The following TMEM223 variants were observed in gnomAD, a reference collection of about 807,000 sequenced individuals.
TMEM223 encodes transmembrane protein 223.
Under a neutral mutation model 14.1 loss-of-function variants are expected in TMEM223, and 14 were observed. The ratio of observed to expected loss-of-function variants is 0.99; its 90% CI spans 0.66 to 1.55. The LOEUF is 1.55. TMEM223 is among the 40% of genes most tolerant of loss of function. The probability of loss-of-function intolerance (pLI) is 0.00; values close to 1 mark genes in which losing one functional copy is unlikely to be tolerated. For synonymous variants in TMEM223, 145 were observed against 120.5 expected (o/e 1.20, Z -1.33); for missense variants, 346 against 269.9 (o/e 1.28, Z -1.97).
downstream of TMEM223, chr11:62,787,371 G>C: frequency 2.6e-6 from 4 of 1,542,814 alleles, no homozygotes; most frequent in South Asian, 4.7e-5. Flanking sequence ...GGGTCGCGCC[G>C]GATAAGGTGG....
At chr11:62,779,976 A>ATATATATATATATATATTTTTTTTTT (rs1294367864) in intron 1 of TMEM223, among the ~76,000 whole-genome samples, 4 of 52,626 alleles carry the variant, frequency 7.6e-5, no homozygotes, top group Non-Finnish European at 1.1e-4. Context: ...ATATATATAT[A>ATATATATATATATATATTTTTTTTTT]TTTTTTTTTT....
chr11:62,788,224 A>C (rs529668110), downstream of TMEM223, among the ~76,000 whole-genome samples: 51 of 150,906 alleles, frequency 3.4e-4, no homozygotes, highest in Non-Finnish European at 6.0e-4. Context: ...CCAACATGGC[A>C]AAACTCTGTC....
downstream of TMEM223, among the ~76,000 whole-genome samples, chr11:62,788,729 A>C (rs1420514354): frequency 6.6e-6 from 1 of 151,064 alleles, no homozygotes; most frequent in Non-Finnish European, 1.5e-5. Context: ...AAGGATATAC[A>C]AGGCCTGGGT....
At chr11:62,772,268 T>C (rs2134693873) in intron 2 of TMEM223, 2 of 385,266 alleles carry the variant, frequency 5.2e-6, no homozygotes, top group African/African-American at 2.1e-5. Context: ...ACGCCTGTAA[T>C]CCTAGCACTT....
chr11:62,782,094 T>C (rs984202680), intron 1 of TMEM223: 1 of 1,594,714 alleles, frequency 6.3e-7, no homozygotes, highest in East Asian at 2.2e-5. Flanking sequence ...CCCTGTAAGC[T>C]ACCCTCTTCT....
chr11:62,789,686 C>T (rs779292192), downstream of TMEM223: 18 of 1,537,556 alleles, frequency 1.2e-5, no homozygotes, highest in Non-Finnish European at 1.5e-5. Context: ...TGAAGTGAGA[C>T]CCAAGGATAG....
chr11:62,779,287 T>C (rs977159485), intron 1 of TMEM223, among the ~76,000 whole-genome samples: 3 of 152,102 alleles, frequency 2.0e-5, no homozygotes, highest in African/African-American at 7.2e-5. Flanking sequence ...CTCCGTCTCC[T>C]GGGTTCATGC....
intron 2 of TMEM223, among the ~76,000 whole-genome samples, chr11:62,773,785 G>T (rs2084166816): frequency 6.6e-6 from 1 of 152,192 alleles, no homozygotes; most frequent in South Asian, 2.1e-4. Context: ...AGAATGCAAG[G>T]ACATTGGAGG....
At chr11:62,787,248 C>T (rs748217982), downstream of TMEM223, 22 of 1,567,580 alleles carry the variant, frequency 1.4e-5, no homozygotes, top group East Asian at 9.3e-5. Flanking sequence ...CCAGCCGCCC[C>T]GCCCGCCGGT....
At position 62,791,828 on chromosome 11, in the gene TMEM223, C is replaced by A; in HGVS notation, c.167G>T (p.Gly56Val). ...TILGLFCAGQGVFWASMAVAA... is the reference protein window; with the variant it reads ...TILGLFCAGQVVFWASMAVAA... ...CACAGCCATGGAAGCCCAGAAGACGCCCTGGCCCGCGCAGAACAGCCCGAG... is the reference window on the plus strand; with the variant it reads ...CACAGCCATGGAAGCCCAGAAGACGACCTGGCCCGCGCAGAACAGCCCGAG... Residue 56 changes from glycine to valine, a missense_variant, in exon 1 of 2, where the codon GGC (glycine) becomes GTC (valine). Coordinates refer to ENST00000307366, the MANE Select transcript of TMEM223 (RefSeq NM_001080501.3). 1 of 1,587,836 alleles carries A rather than the reference C, an allele frequency of 6.3e-7. No individual in the cohort carries two copies. Among genetic ancestry groups the A allele is most frequent in the Admixed American group, 1.8e-5 (1 of 55,538 alleles).
chr11:62,774,988 C>T (rs369750015), intron 1 of TMEM223, among the ~76,000 whole-genome samples: 11 of 148,466 alleles, frequency 7.4e-5, no homozygotes, highest in African/African-American at 2.2e-4. Context: ...TACTTGAACC[C>T]GGGAGGCGGA....
At chr11:62,774,000 G>T (rs2134697356) in intron 2 of TMEM223, among the ~76,000 whole-genome samples, 1 of 152,126 alleles carries the variant, frequency 6.6e-6, no homozygotes, top group East Asian at 1.9e-4. Context: ...CAAGAAAGTA[G>T]GAGATAAGAG....
In TMEM223 at chr11:62,781,463, G is replaced by A. The variant is rs1288865348; in HGVS notation, c.315-6798C>T. On this transcript the variant is annotated intron_variant, in intron 1 of 2. Coordinates refer to the TMEM223 transcript ENST00000528367. ...CTGAGGTGGGCAGATCACGAGGTCA[G>A]GAGATCGCGACCATCCTGGCTAACA... Among the ~76,000 whole-genome samples the A allele has an allele frequency of 2.6e-5, 4 of 152,040 alleles. No individual in the cohort carries two copies. In the East Asian group the frequency reaches 5.8e-4, roughly 22 times the overall value.
chr11:62,786,834 C>T (rs932061430), downstream of TMEM223: 3 of 1,601,916 alleles, frequency 1.9e-6, no homozygotes, highest in African/African-American at 1.3e-5. Context: ...CGCGGCCGCC[C>T]GGGGACAAGA....
chr11:62,786,367 C>A (rs776852452), downstream of TMEM223: 1 of 1,614,180 alleles, frequency 6.2e-7, no homozygotes, highest in South Asian at 1.1e-5. Flanking sequence ...CAGATGGACA[C>A]AAAGTCTATG....
downstream of TMEM223, chr11:62,786,651 G>A: frequency 1.2e-6 from 2 of 1,605,220 alleles, no homozygotes; most frequent in East Asian, 2.2e-5. Flanking sequence ...CGTCCTCCGG[G>A]GGCGGTGCAG....
Position 62,790,303 on chromosome 11 carries a change from G to A in TMEM223, c.*320C>T. 1 of 548,452 alleles carries A rather than the reference G, an allele frequency of 1.8e-6. No homozygotes were observed. The highest frequency in any genetic ancestry group is 3.2e-6 in the Non-Finnish European group (1 of 317,386). The allele number at this position is 548,452 out of a possible 1,614,324, so 34.0% of individuals were successfully genotyped here. A position where few individuals can be genotyped will look rare whatever the true frequency, so the allele number is the denominator to read the frequency against. ...GATAGGAGGAAGGAGTGAAGGCTAAGCAGACATGGACTGAAACTTAGAGGT... is the reference window on the plus strand; with the variant it reads ...GATAGGAGGAAGGAGTGAAGGCTAAACAGACATGGACTGAAACTTAGAGGT... On this transcript the variant is annotated 3_prime_UTR_variant, in exon 2 of 2. Coordinates refer to ENST00000307366, the MANE Select transcript of TMEM223 (RefSeq NM_001080501.3).
At chr11:62,787,305 C>T (rs777829397), downstream of TMEM223, 35 of 1,527,672 alleles carry the variant, frequency 2.3e-5, no homozygotes, top group Middle Eastern at 3.5e-4. Flanking sequence ...GAGTCAGTGG[C>T]CCCTTCGTTC....
chr11:62,788,292 A>G (rs757512418), downstream of TMEM223, among the ~76,000 whole-genome samples: 1 of 152,120 alleles, frequency 6.6e-6, no homozygotes, highest in Non-Finnish European at 1.5e-5. Context: ...AATCCCAGCT[A>G]CTTCGGAGGC....
Sources: gnomAD v4.1 joint callset for allele counts (sites outside exome capture counted in the v4.1 genomes callset) on GRCh38, gnomAD v4.1.1 for gene constraint, MANE v1.5 for transcripts, NCBI Gene and HGNC (gene_info 2026-07-23, HGNC 2026-07-21) for gene names.